The following RERE variants were observed in gnomAD, a reference collection of about 807,000 sequenced individuals.
RERE encodes the protein arginine-glutamic acid dipeptide repeats, also known as arginine-glutamic acid dipeptide repeats protein.
Under a neutral mutation model 146.1 loss-of-function variants are expected in RERE, and 40 were observed. That is an observed-to-expected ratio of 0.27 (90% CI 0.21 to 0.36). The LOEUF (loss-of-function observed/expected upper bound fraction) is 0.36, where lower values mean the gene tolerates loss of function less well. Among genes scored for constraint, RERE ranks in the 10% least tolerant of loss-of-function variants. The pLI, the probability that RERE is intolerant of heterozygous loss-of-function variation, is 1.00. For synonymous variants in RERE, 1,003 were observed against 866.0 expected, an observed-to-expected ratio of 1.16 and a Z score of -2.78; for missense variants, 1,933 against 2,138.7, an observed-to-expected ratio of 0.90 and a Z score of 1.90.
chr1:8,461,991 C>A lies in RERE; in HGVS notation c.1203+3934G>T, dbSNP rs546876289. On this transcript the variant is annotated intron_variant, in intron 11 of 22. Coordinates refer to ENST00000400908, the MANE Select transcript of RERE (RefSeq NM_001042681.2). Reference sequence around the variant, plus strand: ...TCCCAAGTAACTGGGACTACAGGCACATGGCACCATGTTCAGCTATTTTAT... The same window carrying A: ...TCCCAAGTAACTGGGACTACAGGCAAATGGCACCATGTTCAGCTATTTTAT... 4.6e-5 allele frequency among the ~76,000 whole-genome samples: 7 copies of A among 152,188 alleles called. No individual in the cohort carries two copies. In the East Asian group the frequency reaches 1.4e-3, roughly 29 times the overall value.
intron 11 of RERE, among the ~76,000 whole-genome samples, chr1:8,436,539 G>T (rs1428862545): frequency 6.6e-6 from 1 of 152,080 alleles, no homozygotes; most frequent in Non-Finnish European, 1.5e-5. Flanking sequence ...AAGAAATGTG[G>T]ATTGTCTAGA....
chr1:8,785,780 C>G (rs1249220414), intron 1 of RERE, among the ~76,000 whole-genome samples: 1 of 152,132 alleles, frequency 6.6e-6, no homozygotes, highest in Non-Finnish European at 1.5e-5. Context: ...AACCACCACG[C>G]CCAGCTAATT....
chr1:8,674,933 C>T (rs61594553), intron 1 of RERE, among the ~76,000 whole-genome samples: 184 of 152,306 alleles, frequency 1.2e-3, no homozygotes, highest in African/African-American at 3.3e-3. Flanking sequence ...AAGCAACTGA[C>T]AAATGCAACC....
At chr1:8,678,383 C>T (rs1397018516) in intron 1 of RERE, among the ~76,000 whole-genome samples, 3 of 151,944 alleles carry the variant, frequency 2.0e-5, no homozygotes, top group African/African-American at 4.8e-5. Flanking sequence ...CAGTAGCTCA[C>T]GCCTATAATC....
chr1:8,436,851 C>T (rs561022800), intron 11 of RERE, among the ~76,000 whole-genome samples: 1 of 151,954 alleles, frequency 6.6e-6, no homozygotes, highest in African/African-American at 2.4e-5. Context: ...TTACACTGAC[C>T]GTGCATCTAC....
chr1:8,402,555 A>G (rs558287944), intron 12 of RERE, among the ~76,000 whole-genome samples: 1 of 152,298 alleles, frequency 6.6e-6, no homozygotes, highest in African/African-American at 2.4e-5. Flanking sequence ...CTCTCATGGT[A>G]ACTATCTTTG....
At chr1:8,714,717 A>T (rs1400881390) in intron 1 of RERE, among the ~76,000 whole-genome samples, 4 of 152,196 alleles carry the variant, frequency 2.6e-5, no homozygotes, top group African/African-American at 9.7e-5. Flanking sequence ...AGGCTGATCT[A>T]TAGATTAATA....
At chr1:8,694,736 G>A (rs915868518) in intron 1 of RERE, among the ~76,000 whole-genome samples, 1 of 151,704 alleles carries the variant, frequency 6.6e-6, no homozygotes, top group South Asian at 2.1e-4. Flanking sequence ...TCACGGCTGG[G>A]TGACAAAGCG....
At chr1:8,719,399 C>G (rs1340384547) in intron 1 of RERE, among the ~76,000 whole-genome samples, 1 of 152,166 alleles carries the variant, frequency 6.6e-6, no homozygotes, top group Non-Finnish European at 1.5e-5. Flanking sequence ...CCCAAATTAG[C>G]ATCCTTAAGG....
intron 6 of RERE, among the ~76,000 whole-genome samples, chr1:8,548,351 A>G (rs1456017746): frequency 6.6e-6 from 1 of 152,168 alleles, no homozygotes; most frequent in Non-Finnish European, 1.5e-5. Flanking sequence ...GCTCTCACAC[A>G]CCCATAAAAT....
intron 11 of RERE, among the ~76,000 whole-genome samples, chr1:8,446,709 C>G (rs935083500): frequency 6.6e-6 from 1 of 152,122 alleles, no homozygotes; most frequent in Non-Finnish European, 1.5e-5. Flanking sequence ...GAGTCTCGCT[C>G]TGTCACCCAG....
chr1:8,534,451 G>A (rs113510547), intron 7 of RERE, among the ~76,000 whole-genome samples: 1,951 of 152,236 alleles, frequency 0.013, 39 homozygotes, highest in African/African-American at 0.045. Context: ...AACTATAGGT[G>A]CAAGTGTGTG....
At chr1:8,650,922 T>A (rs761668640) in intron 2 of RERE, among the ~76,000 whole-genome samples, 5 of 142,688 alleles carry the variant, frequency 3.5e-5, no homozygotes, top group South Asian at 2.1e-4. Flanking sequence ...TAAATTAAAT[T>A]AAATAAATAA....
chr1:8,659,666 T>C (rs1244601746), intron 1 of RERE, among the ~76,000 whole-genome samples: 1 of 152,236 alleles, frequency 6.6e-6, no homozygotes, highest in Non-Finnish European at 1.5e-5. Context: ...AATGAAAAGC[T>C]TGGGCTGAAA....
intron 12 of RERE, among the ~76,000 whole-genome samples, chr1:8,370,216 C>A (rs1233985208): frequency 1.3e-5 from 2 of 152,130 alleles, no homozygotes; most frequent in Admixed American, 1.3e-4. Flanking sequence ...GCACAGACCA[C>A]CGACACATGC....
chr1:8,401,038 CATATATATAT>C (rs59752248), intron 12 of RERE, among the ~76,000 whole-genome samples: 3,722 of 57,422 alleles, frequency 0.065, 294 homozygotes, highest in African/African-American at 0.11. Flanking sequence ...AAAAAAAAAC[CATATATATAT>C]ATATATATAT....
chr1:8,762,183 TC>T (rs1430984505), intron 1 of RERE, among the ~76,000 whole-genome samples: 1 of 152,176 alleles, frequency 6.6e-6, no homozygotes, highest in Non-Finnish European at 1.5e-5. Flanking sequence ...CCTCTGAACT[TC>T]AGCAGTACCT....
chr1:8,366,928 AC>A lies in RERE; in HGVS notation c.1285-955del, dbSNP rs1324681083. On this transcript the variant is annotated intron_variant, in intron 12 of 22. Coordinates refer to ENST00000400908, the MANE Select transcript of RERE (RefSeq NM_001042681.2). Reference sequence around the variant, plus strand: ...TGAAAAAAAAAAACAAAAAAAAAAAACAAAAAAAAAAAACCCAAAAAACAAA... The same window carrying A: ...TGAAAAAAAAAAACAAAAAAAAAAAAAAAAAAAAAAAACCCAAAAAACAAA... Among the ~76,000 whole-genome samples the A allele has an allele frequency of 2.7e-3, 294 of 108,436 alleles. 3 individuals carry two copies. The highest frequency in any genetic ancestry group is 5.2e-3 in the Admixed American group (56 of 10,816). 71.1% of individuals were successfully genotyped at this position (108,436 alleles called of 152,430 possible). A position where few individuals can be genotyped will look rare whatever the true frequency, so the allele number is the denominator to read the frequency against.
intron 1 of RERE, among the ~76,000 whole-genome samples, chr1:8,723,870 A>G (rs915592809): frequency 1.2e-4 from 19 of 152,250 alleles, no homozygotes; most frequent in Non-Finnish European, 1.0e-4. Flanking sequence ...ATCACATTGT[A>G]TAAATCATTA....
Sources: allele counts gnomAD v4.1 joint callset (sites outside exome capture counted in the v4.1 genomes callset), GRCh38; gene constraint gnomAD v4.1.1; transcripts MANE v1.5; gene names NCBI Gene and HGNC (gene_info 2026-07-23, HGNC 2026-07-21).